Variants in CFAP54 observed in about 807,000 individuals in gnomAD.
CFAP54 encodes the protein cilia- and flagella-associated protein 54.
In CFAP54, 290 loss-of-function variants were observed where a neutral mutation model predicts 370.4. The ratio of observed to expected loss-of-function variants is 0.78; its 90% confidence interval spans 0.71 to 0.86. The LOEUF (loss-of-function observed/expected upper bound fraction) is 0.86, where lower values mean the gene tolerates loss of function less well. CFAP54 is among the 40% of genes least tolerant of loss of function. The pLI, the probability that CFAP54 is intolerant of heterozygous loss-of-function variation, is 0.00. For synonymous variants in CFAP54, 1,206 were observed against 1,236.5 expected (o/e 0.98, Z 0.52); for missense variants, 3,399 against 3,528.7 (o/e 0.96, Z 0.93).
chr12:96,495,281 CTTCCTTCCTTCT>C (rs1228806706), intron 1 of CFAP54, among the ~76,000 whole-genome samples: 51 of 116,956 alleles, frequency 4.4e-4, no homozygotes, highest in Admixed American at 1.6e-3. Flanking sequence ...TCCTTCCTTC[CTTCCTTCCTTCT>C]TTCCTTCCTT....
intron 1 of CFAP54, among the ~76,000 whole-genome samples, chr12:96,494,767 G>A (rs1443495278): frequency 6.6e-6 from 1 of 151,196 alleles, no homozygotes; most frequent in South Asian, 2.1e-4. Context: ...TTGCTCTGTC[G>A]CCAGGCTGGA....
At chr12:96,827,837 AAT>A (rs1254978112) in intron 65 of CFAP54, among the ~76,000 whole-genome samples, 5 of 111,870 alleles carry the variant, frequency 4.5e-5, no homozygotes, top group Non-Finnish European at 6.7e-5. Flanking sequence ...AGTTATATAT[AAT>A]ATATAATTAT....
chr12:96,502,023 G>A (rs1022653419), intron 2 of CFAP54, among the ~76,000 whole-genome samples: 43 of 152,130 alleles, frequency 2.8e-4, no homozygotes, highest in Admixed American at 1.1e-3. Flanking sequence ...ACACTTTTCA[G>A]TATAAGAAGC....
At chr12:96,850,486 G>A (rs1959510377) in intron 66 of CFAP54, among the ~76,000 whole-genome samples, 2 of 152,134 alleles carry the variant, frequency 1.3e-5, no homozygotes, top group African/African-American at 4.8e-5. Context: ...TCAGAGCATA[G>A]TTGTCAGGTA....
intron 42 of CFAP54, among the ~76,000 whole-genome samples, chr12:96,685,530 A>G (rs1009496375): frequency 6.9e-6 from 1 of 145,068 alleles, no homozygotes; most frequent in Non-Finnish European, 1.5e-5. Context: ...GCATTCAATA[A>G]CTACTTGTTT....
At chr12:96,665,527 C>A (rs1297595057) in intron 39 of CFAP54, among the ~76,000 whole-genome samples, 1 of 152,082 alleles carries the variant, frequency 6.6e-6, no homozygotes, top group Non-Finnish European at 1.5e-5. Context: ...TAGTTTCAAT[C>A]TTCTATATAT....
Position 96,811,680 on chromosome 12 carries a change from T to TGA in CFAP54, c.8851-54_8851-53dup, listed in dbSNP as rs1051848491. 5.6e-6 allele frequency: 5 copies of TGA among 897,010 alleles called. No homozygotes were observed. In the African/African-American group the frequency reaches 8.7e-5, roughly 16 times the overall value. 55.6% of individuals were successfully genotyped at this position (897,010 alleles called of 1,614,324 possible). A position where few individuals can be genotyped will look rare whatever the true frequency, so the allele number is the denominator to read the frequency against. On this transcript the variant is annotated intron_variant, in intron 63 of 67. Transcript: ENST00000524981. ...TTTTGTGAACTAATGCTGTAGTTTT[T>TGA]GAGCTAAACTCTAATTTTGATGTCA...
chr12:96,497,806 A>G (rs567311343), intron 1 of CFAP54, among the ~76,000 whole-genome samples: 6 of 152,242 alleles, frequency 3.9e-5, no homozygotes, highest in African/African-American at 1.2e-4. Flanking sequence ...CTGTTGGCCT[A>G]CCTGCATGTA....
chr12:96,742,431 T>C lies in CFAP54; in HGVS notation c.7072-8T>C, dbSNP rs1320661378. ...TGGAAAGATAACCATCATTTTAATATTGTTTAGGTCACTGAAAATAAAGAT... is the reference window on the plus strand; with the variant it reads ...TGGAAAGATAACCATCATTTTAATACTGTTTAGGTCACTGAAAATAAAGAT... On this transcript the variant is annotated splice_polypyrimidine_tract_variant and splice_region_variant and intron_variant, in intron 51 of 67. Coordinates refer to ENST00000524981, the MANE Select transcript of CFAP54 (RefSeq NM_001306084.2). 2 of 1,540,360 alleles carry C rather than the reference T, an allele frequency of 1.3e-6. No individual in the cohort carries two copies. The highest frequency in any genetic ancestry group is 1.4e-5 in the African/African-American group (1 of 72,740).
chr12:96,749,481 AT>A (rs1446827570), intron 55 of CFAP54, among the ~76,000 whole-genome samples: 1 of 152,234 alleles, frequency 6.6e-6, no homozygotes, highest in African/African-American at 2.4e-5. Context: ...TGTTAAGAAG[AT>A]GTTAAATGCC....
intron 24 of CFAP54, among the ~76,000 whole-genome samples, chr12:96,593,655 C>T (rs1956148090): frequency 6.6e-6 from 1 of 151,950 alleles, no homozygotes; most frequent in South Asian, 2.1e-4. Flanking sequence ...TTTCTGGTTA[C>T]CACTCAGACA....
Position 96,811,812 on chromosome 12 carries a change from GT to G in CFAP54, c.8928del (p.Cys2976TrpfsTer9). On this transcript the variant is annotated frameshift_variant, in exon 64 of 68. Transcript: ENST00000524981. LOFTEE classifies it high-confidence loss of function. ...AGACATTCCACTTATAACAGTACAT[GT>G]GTTGGCTCTTTATGGATTCCACTGA... ...DVRHSTYNSTCVGSLWIPLNR... is the reference protein window; with the variant it reads ...DVRHSTYNSTXVGSLWIPLNR... 1 of 1,516,576 alleles carries G rather than the reference GT, an allele frequency of 6.6e-7. No individual in the cohort carries two copies. 93.9% of individuals were successfully genotyped at this position (1,516,576 alleles called of 1,614,324 possible).
rs1377077269 is a variant in CFAP54 at position 96,708,660 on chromosome 12, G to A, written c.6581G>A (p.Gly2194Asp). ...TTGCCTGCAGTTCTGGTTACAATTG[G>A]CCAACCACATCTCTTAAATAAGTTT... ...KGLPAVLVTI[G>D]QPHLLNKFNF... The change falls in exon 48 of 68, where the codon GGC (glycine) becomes GAC (aspartate). Residue 2194 changes from glycine to aspartate, a missense_variant. Coordinates refer to ENST00000524981, the MANE Select transcript of CFAP54 (RefSeq NM_001306084.2). The A allele has an allele frequency of 1.2e-6, 2 of 1,610,062 alleles. No homozygotes were observed. The highest frequency in any genetic ancestry group is 1.7e-6 in the Non-Finnish European group (2 of 1,178,958).
chr12:96,566,800 G>A (rs1955868972), intron 19 of CFAP54, among the ~76,000 whole-genome samples: 1 of 152,146 alleles, frequency 6.6e-6, no homozygotes. Flanking sequence ...TCGCAATTAT[G>A]TATTGGAAGT....
chr12:96,502,200 A>C (rs1430420527), intron 2 of CFAP54, among the ~76,000 whole-genome samples: 8 of 152,116 alleles, frequency 5.3e-5, no homozygotes, highest in Non-Finnish European at 1.0e-4. Context: ...AAAGGCCTAG[A>C]TAGGATATTT....
At chr12:96,872,636 T>A (rs1434839927) in intron 67 of CFAP54, among the ~76,000 whole-genome samples, 2 of 152,224 alleles carry the variant, frequency 1.3e-5, no homozygotes, top group African/African-American at 4.8e-5. Flanking sequence ...GATGAGACAT[T>A]TTATTTTTTA....
intron 36 of CFAP54, among the ~76,000 whole-genome samples, chr12:96,654,178 A>T (rs978584443): frequency 1.3e-5 from 2 of 150,056 alleles, no homozygotes; most frequent in Middle Eastern, 3.4e-3. Flanking sequence ...ACATGGAAGA[A>T]ATAATACATT....
At chr12:96,586,865 G>C (rs79709700) in intron 22 of CFAP54, among the ~76,000 whole-genome samples, 2 of 152,162 alleles carry the variant, frequency 1.3e-5, no homozygotes, top group African/African-American at 4.8e-5. Context: ...GAAATAGAAC[G>C]TAAGGGGGTA....
At chr12:96,555,426 A>G (rs901827336) in intron 17 of CFAP54, among the ~76,000 whole-genome samples, 50 of 151,852 alleles carry the variant, frequency 3.3e-4, no homozygotes, top group African/African-American at 1.2e-3. Context: ...ATTCTAGCCA[A>G]TGCAAGAAGA....
Sources: allele counts gnomAD v4.1 joint callset (sites outside exome capture counted in the v4.1 genomes callset), GRCh38; gene constraint gnomAD v4.1.1; transcripts MANE v1.5; gene names NCBI Gene and HGNC (gene_info 2026-07-23, HGNC 2026-07-21).